Variants in WDR27 observed in about 807,000 individuals in gnomAD.
WDR27 encodes WD repeat domain 27.
A neutral mutation model predicts 114.4 loss-of-function variants in WDR27; 100 were observed. The ratio of observed to expected loss-of-function variants is 0.87; its 90% CI spans 0.74 to 1.03. The LOEUF (loss-of-function observed/expected upper bound fraction) is 1.03, where lower values mean the gene tolerates loss of function less well. WDR27 is among the 50% of genes least tolerant of loss of function. The pLI, the probability that WDR27 is intolerant of heterozygous loss-of-function variation, is 0.00. For synonymous variants in WDR27, 449 were observed against 423.1 expected, an observed-to-expected ratio of 1.06 and a Z score of -0.75; for missense variants, 1,129 against 1,092.9, an observed-to-expected ratio of 1.03 and a Z score of -0.47.
At chr6:169,609,164 G>A (rs1809949330) in intron 22 of WDR27, among the ~76,000 whole-genome samples, 1 of 151,880 alleles carries the variant, frequency 6.6e-6, no homozygotes, top group South Asian at 2.1e-4. Flanking sequence ...GCCTGGTGTT[G>A]AGTGTCTGCA....
At chr6:169,514,573 A>G (rs1583900376) in intron 25 of WDR27, among the ~76,000 whole-genome samples, 2 of 147,838 alleles carry the variant, frequency 1.4e-5, no homozygotes, top group South Asian at 4.2e-4. Context: ...TATAGATATT[A>G]AAATATATGT....
chr6:169,651,157 TCTGC>T (rs1398163920), intron 14 of WDR27, among the ~76,000 whole-genome samples: 2 of 91,416 alleles, frequency 2.2e-5, no homozygotes, highest in Non-Finnish European at 3.9e-5. Context: ...GCCTGGGATT[TCTGC>T]CTGGAGCACA....
chr6:169,480,241 T>C (rs913373642), intron 25 of WDR27, among the ~76,000 whole-genome samples: 4 of 152,128 alleles, frequency 2.6e-5, no homozygotes, highest in Non-Finnish European at 5.9e-5. Flanking sequence ...CGTGCCATGC[T>C]CGAATTCTCG....
intron 21 of WDR27, among the ~76,000 whole-genome samples, chr6:169,620,668 C>G (rs1419706022): frequency 1.3e-5 from 2 of 152,232 alleles, no homozygotes; most frequent in African/African-American, 4.8e-5. Flanking sequence ...ATGTATAAAA[C>G]CAAGCGGTGC....
At chr6:169,465,135 G>A (rs1053731183) in intron 25 of WDR27, among the ~76,000 whole-genome samples, 1 of 152,096 alleles carries the variant, frequency 6.6e-6, no homozygotes, top group Non-Finnish European at 1.5e-5. Flanking sequence ...GCGCATGCCT[G>A]TAATCCCAGC....
chr6:169,535,013 T>G (rs1796052437), intron 25 of WDR27, among the ~76,000 whole-genome samples: 1 of 152,074 alleles, frequency 6.6e-6, no homozygotes, highest in East Asian at 1.9e-4. Context: ...ACCAAATCAT[T>G]CAAAGGCAAA....
In WDR27 at chr6:169,678,792, C is replaced by T. The variant is rs138227486; in HGVS notation, c.190-6396G>A. ...CCTCAAAATATATTTCCTTGCCATA[C>T]CTTGAAATTGTCCTGCAAAGTCTCT... On this transcript the variant is annotated intron_variant, in intron 2 of 25. Coordinates refer to ENST00000448612, the MANE Select transcript of WDR27 (RefSeq NM_182552.5). 4.5e-3 allele frequency among the ~76,000 whole-genome samples: 683 copies of T among 152,270 alleles called. 4 individuals are homozygous for T. The highest frequency in any genetic ancestry group is 0.016 in the African/African-American group (650 of 41,560).
chr6:169,514,257 T>C (rs912433050), intron 25 of WDR27, among the ~76,000 whole-genome samples: 34 of 151,558 alleles, frequency 2.2e-4, no homozygotes, highest in African/African-American at 7.3e-4. Context: ...CAAATAGCTA[T>C]AACCAGTATA....
At chr6:169,558,750 T>G (rs1413579851) in intron 25 of WDR27, 1 of 152,228 alleles carries the variant, frequency 6.6e-6, no homozygotes, top group Admixed American at 6.5e-5. Context: ...CAGATTTTTA[T>G]GCAGTTCCAT....
the WDR27 span, among the ~76,000 whole-genome samples, chr6:169,437,501 T>C: frequency 6.6e-6 from 1 of 152,206 alleles, no homozygotes; most frequent in Non-Finnish European, 1.5e-5. Flanking sequence ...AGAAGTGTTA[T>C]CTTCTTCATG....
intron 21 of WDR27, among the ~76,000 whole-genome samples, chr6:169,618,575 AG>A (rs1420356445): frequency 8.6e-5 from 12 of 139,944 alleles, no homozygotes; most frequent in South Asian, 2.4e-4. Flanking sequence ...AGATAACTAT[AG>A]GAGTAATTCT....
intron 25 of WDR27, among the ~76,000 whole-genome samples, chr6:169,543,545 T>A (rs1245125399): frequency 6.6e-6 from 1 of 152,180 alleles, no homozygotes; most frequent in African/African-American, 2.4e-5. Flanking sequence ...CCTTTTAACA[T>A]AACTTATTTT....
intron 17 of WDR27, 87 bp from the exon 18 acceptor site, chr6:169,638,747 C>T: frequency 6.7e-7 from 1 of 1,484,440 alleles, no homozygotes; most frequent in East Asian, 2.5e-5. Context: ...TTTCATACAA[C>T]ACAACTGGAA....
chr6:169,523,292 T>A (rs1033893086), intron 25 of WDR27, among the ~76,000 whole-genome samples: 4 of 152,090 alleles, frequency 2.6e-5, no homozygotes, highest in Non-Finnish European at 5.9e-5. Context: ...ATCAAAGCTG[T>A]AATAAAAAGT....
chr6:169,509,351 A>G (rs1432661879), intron 25 of WDR27, among the ~76,000 whole-genome samples: 34 of 152,112 alleles, frequency 2.2e-4, no homozygotes, highest in African/African-American at 7.7e-4. Flanking sequence ...AACAAAGCTG[A>G]AGGCATCACG....
intron 25 of WDR27, among the ~76,000 whole-genome samples, chr6:169,474,980 C>A (rs1207541353): frequency 6.6e-6 from 1 of 152,032 alleles, no homozygotes; most frequent in Non-Finnish European, 1.5e-5. Context: ...GAAGAGCCCC[C>A]AGTGACTCTG....
chr6:169,600,790 G>A (rs1807822237), intron 23 of WDR27, among the ~76,000 whole-genome samples: 2 of 152,172 alleles, frequency 1.3e-5, no homozygotes, highest in South Asian at 4.1e-4. Context: ...AACAAACAAA[G>A]CCTCCAAGAA....
At chr6:169,679,342 G>T (rs192037316) in intron 2 of WDR27, among the ~76,000 whole-genome samples, 1 of 152,044 alleles carries the variant, frequency 6.6e-6, no homozygotes. Context: ...GACTCTTTTC[G>T]TCGACAAGAC....
At chr6:169,607,279 C>A (rs1169185792) in intron 22 of WDR27, among the ~76,000 whole-genome samples, 1 of 152,108 alleles carries the variant, frequency 6.6e-6, no homozygotes, top group Admixed American at 6.6e-5. Flanking sequence ...CAAAAAGACA[C>A]ATGCACTCAT....
Sources: gnomAD v4.1 joint callset for allele counts (sites outside exome capture counted in the v4.1 genomes callset) on GRCh38, gnomAD v4.1.1 for gene constraint, MANE v1.5 for transcripts, NCBI Gene and HGNC (gene_info 2026-07-23, HGNC 2026-07-21) for gene names.